Variants in CDK14 observed in about 807,000 individuals in gnomAD.
CDK14 encodes cyclin-dependent kinase 14.
A neutral mutation model predicts 60.7 loss-of-function variants in CDK14; 34 were observed. That is an observed-to-expected ratio of 0.56 (90% CI 0.43 to 0.75). CDK14 has a LOEUF of 0.75. Ranked by LOEUF, CDK14 falls within the 30% of genes least tolerant of loss-of-function variation. The pLI, the probability that CDK14 is intolerant of heterozygous loss-of-function variation, is 0.00. For missense variants in CDK14, 482 were observed against 564.1 expected (o/e 0.85, Z 1.47); for synonymous variants, 197 against 203.7 (o/e 0.97, Z 0.28).
chr7:90,687,499 C>T (rs1296527884), intron 2 of CDK14, among the ~76,000 whole-genome samples: 2 of 151,372 alleles, frequency 1.3e-5, no homozygotes, highest in Non-Finnish European at 2.9e-5. Flanking sequence ...GCTTTTTGAA[C>T]AAGGGAAAAA....
intron 2 of CDK14, among the ~76,000 whole-genome samples, chr7:90,711,512 A>T (rs1427369192): frequency 6.6e-6 from 1 of 151,940 alleles, no homozygotes; most frequent in Non-Finnish European, 1.5e-5. Flanking sequence ...GACAGAAGGA[A>T]TTGTAAGTTT....
chr7:91,073,665 A>C (rs1453046684), intron 11 of CDK14, among the ~76,000 whole-genome samples: 1 of 152,272 alleles, frequency 6.6e-6, no homozygotes, highest in Admixed American at 6.5e-5. Flanking sequence ...ATTAACCTTA[A>C]ATGTAAATGG....
intron 2 of CDK14, among the ~76,000 whole-genome samples, chr7:90,641,943 A>G (rs1287694044): frequency 6.6e-6 from 1 of 152,210 alleles, no homozygotes; most frequent in Non-Finnish European, 1.5e-5. Flanking sequence ...GAGCTTGTGC[A>G]GGAAAACTCC....
At chr7:90,697,607 C>T (rs1801686845) in intron 2 of CDK14, among the ~76,000 whole-genome samples, 1 of 152,032 alleles carries the variant, frequency 6.6e-6, no homozygotes, top group Admixed American at 6.6e-5. Flanking sequence ...CTGAACTGCC[C>T]CATGTGAGAT....
intron 3 of CDK14, among the ~76,000 whole-genome samples, chr7:90,731,636 CTGTT>C (rs751565637): frequency 2.0e-4 from 30 of 147,256 alleles, no homozygotes; most frequent in Non-Finnish European, 3.4e-4. Flanking sequence ...ATTTGGCTGT[CTGTT>C]TGTCTGTTAT....
intron 12 of CDK14, among the ~76,000 whole-genome samples, chr7:91,097,998 AGGAAACTCCTTG>A (rs1799045742): frequency 6.6e-6 from 1 of 152,208 alleles, no homozygotes; most frequent in Non-Finnish European, 1.5e-5. Context: ...GAAGGCAGAT[AGGAAACTCCTTG>A]TAGGAGTGGA....
chr7:90,987,512 G>A (rs1795405860), intron 10 of CDK14, among the ~76,000 whole-genome samples: 1 of 152,020 alleles, frequency 6.6e-6, no homozygotes, highest in African/African-American at 2.4e-5. Context: ...GCTATGTTTT[G>A]CCCTGAAGAA....
intron 4 of CDK14, among the ~76,000 whole-genome samples, chr7:90,785,601 C>T (rs560846320): frequency 2.5e-4 from 38 of 151,836 alleles, no homozygotes; most frequent in South Asian, 2.3e-3. Flanking sequence ...CTGGCTAACA[C>T]GGTGAAAACC....
At position 90,956,628 on chromosome 7, in the gene CDK14, T is replaced by C. The variant is rs568165323; in HGVS notation, c.947+811T>C. 1.1e-3 allele frequency among the ~76,000 whole-genome samples: 162 copies of C among 152,266 alleles called. 1 individual carries two copies. Among genetic ancestry groups the C allele is most frequent in the African/African-American group, 3.6e-3 (150 of 41,566 alleles). On this transcript the variant is annotated intron_variant, in intron 9 of 14. Transcript: ENST00000380050. Reference sequence around the variant, plus strand: ...ATTTTTATGTATTTATTTATTATTATTATACTTTAAGTTTTAGGGTACATG... The same window carrying C: ...ATTTTTATGTATTTATTTATTATTACTATACTTTAAGTTTTAGGGTACATG...
chr7:90,742,049 A>T (rs1367664985), intron 3 of CDK14, among the ~76,000 whole-genome samples: 1 of 152,058 alleles, frequency 6.6e-6, no homozygotes, highest in Non-Finnish European at 1.5e-5. Context: ...ATTAATTTTT[A>T]AAATATTTCT....
At chr7:91,034,134 C>A (rs950134649) in intron 10 of CDK14, among the ~76,000 whole-genome samples, 1 of 152,126 alleles carries the variant, frequency 6.6e-6, no homozygotes, top group Non-Finnish European at 1.5e-5. Context: ...TCTTTTGTGA[C>A]CTTCTGTATA....
rs996435475 is a variant in CDK14 at position 91,210,500 on chromosome 7, G to C, written c.*3364G>C. ...GCATATTTGTTACCAGTTGTAATTT[G>C]TCTGTATTATGAAAGATGTAATGGT... On this transcript the variant is annotated 3_prime_UTR_variant, in exon 15 of 15. Transcript: ENST00000380050. 5 of 152,220 alleles carry C rather than the reference G, an allele frequency of 3.3e-5. No homozygotes were observed. The highest frequency in any genetic ancestry group is 2.0e-4 in the Admixed American group (3 of 15,286). The allele number at this position is 152,220 out of a possible 1,614,324, so 9.4% of individuals were successfully genotyped here. A position where few individuals can be genotyped will look rare whatever the true frequency, so the allele number is the denominator to read the frequency against.
intron 12 of CDK14, among the ~76,000 whole-genome samples, chr7:91,094,184 A>G (rs984468192): frequency 6.6e-6 from 1 of 152,182 alleles, no homozygotes; most frequent in Non-Finnish European, 1.5e-5. Context: ...AAATTTACAA[A>G]AAAGGAAAAA....
chr7:90,792,109 C>T, intron 5 of CDK14, among the ~76,000 whole-genome samples: 1 of 151,826 alleles, frequency 6.6e-6, no homozygotes, highest in East Asian at 1.9e-4. Flanking sequence ...ACCGTGTTGG[C>T]CAGGCTGGTC....
chr7:90,952,253 G>A (rs1387909768), intron 8 of CDK14, among the ~76,000 whole-genome samples: 1 of 152,184 alleles, frequency 6.6e-6, no homozygotes, highest in Non-Finnish European at 1.5e-5. Context: ...CGGGAGCACT[G>A]TCCCGTGGTT....
At chr7:90,849,311 C>T (rs1197695192) in intron 5 of CDK14, among the ~76,000 whole-genome samples, 3 of 151,516 alleles carry the variant, frequency 2.0e-5, no homozygotes, top group Non-Finnish European at 4.4e-5. Flanking sequence ...TTCCTGAGGC[C>T]TCACAAGAAG....
At chr7:90,784,340 A>G (rs540396632) in intron 4 of CDK14, among the ~76,000 whole-genome samples, 5 of 152,306 alleles carry the variant, frequency 3.3e-5, no homozygotes, top group African/African-American at 1.2e-4. Context: ...GAATAAGACC[A>G]TTTGGTAGCA....
At chr7:91,054,579 AG>A (rs1160854968) in intron 11 of CDK14, among the ~76,000 whole-genome samples, 5 of 152,222 alleles carry the variant, frequency 3.3e-5, no homozygotes, top group Non-Finnish European at 7.3e-5. Context: ...CCATACTGGG[AG>A]GTCACTGGTG....
intron 6 of CDK14, among the ~76,000 whole-genome samples, chr7:90,891,668 A>G (rs1209154738): frequency 6.6e-6 from 1 of 152,268 alleles, no homozygotes; most frequent in Non-Finnish European, 1.5e-5. Context: ...GGTCATCTCC[A>G]TGGAATGGCT....
Sources: allele counts gnomAD v4.1 joint callset (sites outside exome capture counted in the v4.1 genomes callset), GRCh38; gene constraint gnomAD v4.1.1; transcripts MANE v1.5; gene names NCBI Gene and HGNC (gene_info 2026-07-23, HGNC 2026-07-21).